LRFN5: variants seen among roughly 807,000 people sequenced by gnomAD.
The protein encoded by LRFN5 is leucine rich repeat and fibronectin type III domain containing 5.
A neutral mutation model predicts 45.6 loss-of-function variants in LRFN5; 24 were observed. The observed-to-expected ratio is 0.53, with a 90% CI of 0.38 to 0.74. The LOEUF (loss-of-function observed/expected upper bound fraction) is 0.74, where lower values mean the gene tolerates loss of function less well. LRFN5 is among the 30% of genes least tolerant of loss of function. The pLI, the probability that LRFN5 is intolerant of heterozygous loss-of-function variation, is 0.00. For missense variants in LRFN5, 776 were observed against 861.5 expected (o/e 0.90, Z 1.24); for synonymous variants, 340 against 313.8 (o/e 1.08, Z -0.88).
At chr14:41,702,785 A>G (rs1436113198) in intron 1 of LRFN5, among the ~76,000 whole-genome samples, 1 of 151,852 alleles carries the variant, frequency 6.6e-6, no homozygotes, top group African/African-American at 2.4e-5. Context: ...TTATAAGCAT[A>G]ATCACACTAA....
intron 5 of LRFN5, among the ~76,000 whole-genome samples, chr14:41,899,662 T>G (rs1005062258): frequency 1.3e-5 from 2 of 152,130 alleles, no homozygotes; most frequent in African/African-American, 4.8e-5. Flanking sequence ...ACACAAAAAT[T>G]CTGCTTTTAA....
chr14:41,651,160 G>T (rs1323801879), intron 1 of LRFN5, among the ~76,000 whole-genome samples: 1 of 152,066 alleles, frequency 6.6e-6, no homozygotes, highest in Non-Finnish European at 1.5e-5. Context: ...TGGCAAGGGA[G>T]CAAATTGTGT....
At chr14:41,853,572 T>G (rs1375382149) in intron 2 of LRFN5, among the ~76,000 whole-genome samples, 1 of 152,036 alleles carries the variant, frequency 6.6e-6, no homozygotes, top group Non-Finnish European at 1.5e-5. Flanking sequence ...TGGGTTACAT[T>G]AGGTTTCCAT....
At chr14:41,768,376 G>A (rs1885963587) in intron 2 of LRFN5, among the ~76,000 whole-genome samples, 1 of 152,092 alleles carries the variant, frequency 6.6e-6, no homozygotes. Flanking sequence ...TGATGATGGT[G>A]TAAAATGATG....
chr14:41,847,389 T>A (rs1359719877), intron 2 of LRFN5, among the ~76,000 whole-genome samples: 1 of 152,260 alleles, frequency 6.6e-6, no homozygotes, highest in East Asian at 1.9e-4. Flanking sequence ...ATTAACCCAG[T>A]GTTACCAAAA....
At chr14:41,678,930 C>T (rs1010264351) in intron 1 of LRFN5, among the ~76,000 whole-genome samples, 7 of 152,204 alleles carry the variant, frequency 4.6e-5, no homozygotes, top group African/African-American at 1.4e-4. Flanking sequence ...GAGAAAGAAT[C>T]TGTGACCTTG....
chr14:41,681,593 A>C (rs1173259219), intron 1 of LRFN5, among the ~76,000 whole-genome samples: 6 of 152,034 alleles, frequency 3.9e-5, no homozygotes, highest in African/African-American at 1.2e-4. Context: ...GATGAACGAA[A>C]GCCAAGGGAT....
rs77986952 is a variant in LRFN5, at chr14:41,654,924, A to G, written c.-197+46362A>G. 9.1e-3 allele frequency among the ~76,000 whole-genome samples: 1,383 copies of G among 152,192 alleles called. 6 individuals carry two copies. Among genetic ancestry groups the G allele is most frequent in the East Asian group, 0.014 (74 of 5,164 alleles). ...TGGTTAGGTGCTACGCTCTGCAACC[A>G]CATGGCACAGGTTTTCTTCAATATC... On this transcript the variant is annotated intron_variant, in intron 1 of 5. Transcript: ENST00000298119.
At chr14:41,716,519 G>A (rs1193527072) in intron 1 of LRFN5, among the ~76,000 whole-genome samples, 1 of 152,010 alleles carries the variant, frequency 6.6e-6, no homozygotes, top group East Asian at 1.9e-4. Flanking sequence ...CTAGGGCAGG[G>A]GCAAAATGCT....
At chr14:41,671,273 T>G (rs1881197224) in intron 1 of LRFN5, among the ~76,000 whole-genome samples, 1 of 152,126 alleles carries the variant, frequency 6.6e-6, no homozygotes. Context: ...CTTCCTAAAG[T>G]TTAAATATAA....
At chr14:41,874,211 A>C (rs1321895954) in intron 2 of LRFN5, among the ~76,000 whole-genome samples, 2 of 152,144 alleles carry the variant, frequency 1.3e-5, no homozygotes, top group Non-Finnish European at 2.9e-5. Context: ...AATTCCTGTG[A>C]CCATTGAAGC....
At chr14:41,666,070 C>T (rs1880884045) in intron 1 of LRFN5, among the ~76,000 whole-genome samples, 1 of 151,890 alleles carries the variant, frequency 6.6e-6, no homozygotes, top group Admixed American at 6.6e-5. Flanking sequence ...AACTAGCATT[C>T]TCTTCACATA....
chr14:41,899,788 T>A (rs539601923), intron 5 of LRFN5, among the ~76,000 whole-genome samples: 1 of 152,312 alleles, frequency 6.6e-6, no homozygotes, highest in East Asian at 1.9e-4. Flanking sequence ...TCTTCCCTAA[T>A]GAATTCTATC....
At chr14:41,751,311 C>G (rs558286293) in intron 1 of LRFN5, among the ~76,000 whole-genome samples, 2 of 152,132 alleles carry the variant, frequency 1.3e-5, no homozygotes, top group South Asian at 4.1e-4. Flanking sequence ...TGGTAAAATT[C>G]AAATGCACAT....
intron 5 of LRFN5, among the ~76,000 whole-genome samples, chr14:41,903,696 C>A (rs572713414): frequency 6.6e-6 from 1 of 151,798 alleles, no homozygotes; most frequent in Non-Finnish European, 1.5e-5. Flanking sequence ...GAATAATTTA[C>A]TACCATTAAA....
intron 2 of LRFN5, among the ~76,000 whole-genome samples, chr14:41,835,227 A>G (rs1220415381): frequency 6.6e-6 from 1 of 152,196 alleles, no homozygotes; most frequent in East Asian, 1.9e-4. Context: ...ATTATTAAAC[A>G]TACAGGACAT....
At chr14:41,674,205 AC>A (rs1315536562) in intron 1 of LRFN5, among the ~76,000 whole-genome samples, 13 of 107,290 alleles carry the variant, frequency 1.2e-4, no homozygotes, top group Admixed American at 4.6e-4. Flanking sequence ...CGGGGGGCTG[AC>A]CCCCCCACCT....
At chr14:41,793,866 G>A (rs1010216040) in intron 2 of LRFN5, among the ~76,000 whole-genome samples, 1 of 152,018 alleles carries the variant, frequency 6.6e-6, no homozygotes, top group African/African-American at 2.4e-5. Context: ...TCATCCACTT[G>A]TATGTCCTAA....
intron 1 of LRFN5, among the ~76,000 whole-genome samples, chr14:41,715,548 C>A (rs374053753): frequency 6.6e-6 from 1 of 152,208 alleles, no homozygotes; most frequent in African/African-American, 2.4e-5. Flanking sequence ...TTTGCTTTCT[C>A]TGTGCCTTTG....
Sources: gnomAD v4.1 joint callset for allele counts (sites outside exome capture counted in the v4.1 genomes callset) on GRCh38, gnomAD v4.1.1 for gene constraint, MANE v1.5 for transcripts, NCBI Gene and HGNC (gene_info 2026-07-23, HGNC 2026-07-21) for gene names.